The following CFAP54 variants were observed in gnomAD, a reference collection of about 807,000 sequenced individuals.
CFAP54 encodes cilia and flagella associated protein 54.
CFAP54 carries 290 observed loss-of-function variants against 370.4 expected under a neutral mutation model. The ratio of observed to expected loss-of-function variants is 0.78; its 90% confidence interval spans 0.71 to 0.86. The LOEUF is 0.86. Among genes scored for constraint, CFAP54 ranks in the 40% least tolerant of loss-of-function variants. The pLI, the probability that CFAP54 is intolerant of heterozygous loss-of-function variation, is 0.00. For synonymous variants in CFAP54, 1,206 were observed against 1,236.5 expected, an observed-to-expected ratio of 0.98 and a Z score of 0.52; for missense variants, 3,399 against 3,528.7, an observed-to-expected ratio of 0.96 and a Z score of 0.93.
At chr12:96,599,707 G>C (rs552936188) in intron 26 of CFAP54, among the ~76,000 whole-genome samples, 147 of 152,290 alleles carry the variant, frequency 9.7e-4, no homozygotes, top group East Asian at 4.0e-3. Context: ...ATTCTAACTG[G>C]TGTGAGATGG....
intron 60 of CFAP54, among the ~76,000 whole-genome samples, chr12:96,771,388 C>T (rs1226469779): frequency 6.6e-6 from 1 of 152,246 alleles, no homozygotes; most frequent in East Asian, 1.9e-4. Context: ...AGCAGTGGCT[C>T]ACGCCTGTAA....
chr12:96,598,441 T>G (rs866285649), intron 25 of CFAP54, among the ~76,000 whole-genome samples: 1 of 152,048 alleles, frequency 6.6e-6, no homozygotes. Flanking sequence ...TTCAAGTTGC[T>G]GTAGGTGAAG....
intron 66 of CFAP54, among the ~76,000 whole-genome samples, chr12:96,833,194 A>G (rs962118604): frequency 5.8e-4 from 88 of 152,226 alleles, no homozygotes; most frequent in Non-Finnish European, 1.3e-4. Flanking sequence ...TGAGGCAGCA[A>G]TAAAAAGAAT....
chr12:96,497,085 T>G (rs371554743), intron 1 of CFAP54, among the ~76,000 whole-genome samples: 3 of 152,206 alleles, frequency 2.0e-5, no homozygotes, highest in Non-Finnish European at 4.4e-5. Flanking sequence ...AGTACCTACA[T>G]GTACTAGGTA....
chr12:96,639,258 T>C (rs1956697674), intron 32 of CFAP54, among the ~76,000 whole-genome samples: 1 of 152,108 alleles, frequency 6.6e-6, no homozygotes, highest in African/African-American at 2.4e-5. Flanking sequence ...TCACCACCGA[T>C]CCCACAGAAA....
intron 66 of CFAP54, among the ~76,000 whole-genome samples, chr12:96,847,267 G>A (rs368511903): frequency 2.6e-5 from 4 of 151,954 alleles, no homozygotes; most frequent in African/African-American, 7.3e-5. Context: ...CACTCTCCTG[G>A]TGAGCTGCCC....
intron 62 of CFAP54, among the ~76,000 whole-genome samples, chr12:96,787,344 G>A (rs1437177681): frequency 1.3e-5 from 2 of 151,902 alleles, no homozygotes; most frequent in African/African-American, 4.8e-5. Flanking sequence ...AAATAATAGA[G>A]GTAACACTTT....
intron 47 of CFAP54, among the ~76,000 whole-genome samples, chr12:96,705,422 T>G (rs1025100518): frequency 6.8e-6 from 1 of 147,898 alleles, no homozygotes; most frequent in Non-Finnish European, 1.5e-5. Flanking sequence ...TGATTCATTG[T>G]TTTTTTTTTC....
At chr12:96,776,656 C>T (rs1425788954) in intron 60 of CFAP54, among the ~76,000 whole-genome samples, 1 of 152,102 alleles carries the variant, frequency 6.6e-6, no homozygotes, top group African/African-American at 2.4e-5. Flanking sequence ...GAAACTAAAC[C>T]AGAACTGCGT....
chr12:96,871,510 ATTAC>A (rs1300181397), intron 67 of CFAP54, among the ~76,000 whole-genome samples: 1 of 152,258 alleles, frequency 6.6e-6, no homozygotes, highest in Non-Finnish European at 1.5e-5. Context: ...ATAATTAAAA[ATTAC>A]TTTATATACA....
At chr12:96,590,760 C>T (rs1447720016) in intron 23 of CFAP54, among the ~76,000 whole-genome samples, 1 of 152,054 alleles carries the variant, frequency 6.6e-6, no homozygotes, top group Admixed American at 6.5e-5. Flanking sequence ...GTGACATTTA[C>T]TAAGGGGATA....
At chr12:96,758,851 TA>T (rs1958298475) in intron 58 of CFAP54, among the ~76,000 whole-genome samples, 1 of 152,150 alleles carries the variant, frequency 6.6e-6, no homozygotes, top group Admixed American at 6.5e-5. Context: ...TTGGCATTTC[TA>T]ACGAGCCTCC....
At chr12:96,724,588 T>C (rs1957805180) in intron 50 of CFAP54, among the ~76,000 whole-genome samples, 1 of 152,136 alleles carries the variant, frequency 6.6e-6, no homozygotes, top group African/African-American at 2.4e-5. Flanking sequence ...CTTTGTCAGA[T>C]GAGTAGGTTG....
At chr12:96,863,409 C>A (rs1959927441) in intron 67 of CFAP54, among the ~76,000 whole-genome samples, 1 of 152,164 alleles carries the variant, frequency 6.6e-6, no homozygotes. Flanking sequence ...TTACTGACCC[C>A]ATATTATAGA....
chr12:96,736,894 A>G (rs905379247), intron 50 of CFAP54, among the ~76,000 whole-genome samples: 1 of 152,244 alleles, frequency 6.6e-6, no homozygotes, highest in Non-Finnish European at 1.5e-5. Flanking sequence ...AGATGGTGTC[A>G]TAGAGTAACA....
intron 66 of CFAP54, among the ~76,000 whole-genome samples, chr12:96,842,480 GT>G (rs1396807933): frequency 1.3e-5 from 2 of 152,066 alleles, no homozygotes; most frequent in African/African-American, 4.8e-5. Flanking sequence ...CATATTGGCA[GT>G]TTTGTCATTT....
chr12:96,847,400 G>A (rs1000824711), intron 66 of CFAP54, among the ~76,000 whole-genome samples: 3 of 151,982 alleles, frequency 2.0e-5, no homozygotes, highest in Non-Finnish European at 4.4e-5. Context: ...ATCCTTATGC[G>A]TTTTTATGGA....
intron 48 of CFAP54, among the ~76,000 whole-genome samples, chr12:96,709,731 A>G (rs992421724): frequency 1.3e-5 from 2 of 149,422 alleles, no homozygotes; most frequent in Admixed American, 6.7e-5. Context: ...TATTATTATT[A>G]TTGTTTTCGA....
At chr12:96,871,292 C>T (rs1436971297) in intron 67 of CFAP54, among the ~76,000 whole-genome samples, 1 of 152,066 alleles carries the variant, frequency 6.6e-6, no homozygotes, top group Admixed American at 6.6e-5. Flanking sequence ...GGAAAAGGGA[C>T]TTAATAAATT....
Sources: allele counts gnomAD v4.1 joint callset (sites outside exome capture counted in the v4.1 genomes callset), GRCh38; gene constraint gnomAD v4.1.1; transcripts MANE v1.5; gene names NCBI Gene and HGNC (gene_info 2026-07-23, HGNC 2026-07-21).